The following PLD5 variants were observed in gnomAD, a reference collection of about 807,000 sequenced individuals.
The protein encoded by PLD5 is inactive phospholipase D5.
PLD5 carries 36 observed loss-of-function variants against 61.1 expected under a neutral mutation model. That is an observed-to-expected ratio of 0.59 (90% CI 0.45 to 0.78). PLD5 has a LOEUF of 0.78. PLD5 is among the 30% of genes least tolerant of loss of function. The probability of loss-of-function intolerance (pLI) is 0.00; values close to 1 mark genes in which losing one functional copy is unlikely to be tolerated. For missense variants in PLD5, 515 were observed against 644.4 expected (o/e 0.80, Z 2.17); for synonymous variants, 243 against 242.8 (o/e 1.00, Z -0.01).
chr1:242,125,840 T>G (rs994100072), intron 5 of PLD5, among the ~76,000 whole-genome samples: 7 of 152,162 alleles, frequency 4.6e-5, no homozygotes, highest in African/African-American at 1.4e-4. Flanking sequence ...GGCCTGGAGA[T>G]CTTTCCATGT....
At chr1:242,397,905 A>T (rs1490423752) in intron 1 of PLD5, among the ~76,000 whole-genome samples, 2 of 151,910 alleles carry the variant, frequency 1.3e-5, no homozygotes, top group African/African-American at 2.4e-5. Context: ...AGTGCTTCTG[A>T]TACTCACTTC....
chr1:242,163,593 C>A (rs185758936), intron 5 of PLD5, among the ~76,000 whole-genome samples: 19 of 152,222 alleles, frequency 1.2e-4, no homozygotes, highest in African/African-American at 4.6e-4. Flanking sequence ...AAAATAAATT[C>A]TTTCTAATAA....
intron 1 of PLD5, among the ~76,000 whole-genome samples, chr1:242,516,387 G>A (rs966870813): frequency 6.6e-6 from 1 of 151,480 alleles, no homozygotes; most frequent in African/African-American, 2.4e-5. Context: ...AATAAATTGG[G>A]ATTATTAAAA....
At chr1:242,102,894 A>G (rs1430990778) in intron 8 of PLD5, among the ~76,000 whole-genome samples, 1 of 152,224 alleles carries the variant, frequency 6.6e-6, no homozygotes, top group Non-Finnish European at 1.5e-5. Context: ...CAAAAAGATG[A>G]AGCTGATTAA....
chr1:242,123,904 G>C, intron 6 of PLD5, among the ~76,000 whole-genome samples: 1 of 152,158 alleles, frequency 6.6e-6, no homozygotes, highest in East Asian at 1.9e-4. Context: ...TCTTAGCAGA[G>C]TCAGAGGCCC....
Position 242,478,787 on chromosome 1 carries a change from T to C in PLD5, c.189+45301A>G, listed in dbSNP as rs553415466. ...AAATCCTATAATACAGTGAGAGAAT[T>C]ACTATTCCAAAAGTAAGTAAAAAGT... On this transcript the variant is annotated intron_variant, in intron 1 of 9. Coordinates refer to ENST00000536534, the MANE Select transcript of PLD5 (RefSeq NM_001372062.1). Among the ~76,000 whole-genome samples, 45 of 152,322 alleles carry C rather than the reference T, an allele frequency of 3.0e-4. No individual in the cohort carries two copies. In the South Asian group the frequency reaches 8.9e-3, roughly 30 times the overall value.
intron 4 of PLD5, among the ~76,000 whole-genome samples, chr1:242,224,697 C>T (rs537178401): frequency 7.9e-5 from 12 of 152,264 alleles, no homozygotes; most frequent in South Asian, 4.2e-4. Flanking sequence ...CTGTGCTAGA[C>T]TATTCAGAGC....
At chr1:242,374,971 C>T (rs562678855) in intron 1 of PLD5, among the ~76,000 whole-genome samples, 1 of 152,228 alleles carries the variant, frequency 6.6e-6, no homozygotes, top group African/African-American at 2.4e-5. Context: ...GGCCTTGGCC[C>T]CTACAGTTTT....
At chr1:242,304,771 T>C (rs1676250522) in intron 2 of PLD5, among the ~76,000 whole-genome samples, 2 of 152,216 alleles carry the variant, frequency 1.3e-5, no homozygotes, top group Non-Finnish European at 2.9e-5. Flanking sequence ...GATTTCTTCA[T>C]TGAATGTTTC....
In PLD5 at chr1:242,100,824, G is replaced by A. The variant is rs145183713; in HGVS notation, c.1240-42C>T. ...AAGGGGGCAGGTAAATAAGAGGAAC[G>A]TTTCTGGTCTTGTCCAAGAGCACAA... On this transcript the variant is annotated intron_variant, in intron 8 of 9. Transcript: ENST00000536534. 276 of 1,347,716 alleles carry A rather than the reference G, an allele frequency of 2.0e-4. 2 individuals are homozygous for A. The South Asian group carries it at 2.7e-3, about 13-fold the overall frequency. 83.5% of individuals were successfully genotyped at this position (1,347,716 alleles called of 1,614,324 possible).
chr1:242,400,855 G>C (rs1319338926), intron 1 of PLD5, among the ~76,000 whole-genome samples: 1 of 152,166 alleles, frequency 6.6e-6, no homozygotes, highest in Non-Finnish European at 1.5e-5. Context: ...TATGGAACAG[G>C]AAGAATTCCT....
chr1:242,509,879 AG>A lies in PLD5; in HGVS notation c.189+14208del, dbSNP rs778102033. Among the ~76,000 whole-genome samples the A allele has an allele frequency of 1.9e-4, 29 of 152,270 alleles. No individual in the cohort carries two copies. In the East Asian group the frequency reaches 5.4e-3, roughly 28 times the overall value. On this transcript the variant is annotated intron_variant, in intron 1 of 9. Coordinates refer to ENST00000536534, the MANE Select transcript of PLD5 (RefSeq NM_001372062.1). Reference sequence around the variant, plus strand: ...AGCAGGCTGATCAGTGTGGAGAAAAAGCATCTTGAAATGAGAGCTAGGGACT... The same window carrying A: ...AGCAGGCTGATCAGTGTGGAGAAAAACATCTTGAAATGAGAGCTAGGGACT...
chr1:242,271,085 A>G (rs1226694817), intron 3 of PLD5, among the ~76,000 whole-genome samples: 1 of 152,000 alleles, frequency 6.6e-6, no homozygotes, highest in Non-Finnish European at 1.5e-5. Flanking sequence ...CTAACTTAGA[A>G]GAGTAATTAA....
chr1:242,348,256 CAAA>C lies in PLD5; in HGVS notation c.190-17_190-15del. The stretch of plus-strand genomic sequence containing the variant: ...CTTCTGCTGGGACTGAAAGAGGAAA[CAAA>C]GACAAAGAAAAGTAAGTGGTGCTGC... On this transcript the variant is annotated splice_polypyrimidine_tract_variant and intron_variant, in intron 1 of 9. Coordinates refer to ENST00000536534, the MANE Select transcript of PLD5 (RefSeq NM_001372062.1). 4.2e-5 allele frequency: 3 copies of C among 71,182 alleles called. No homozygotes were observed. The highest frequency in any genetic ancestry group is 1.6e-4 in the South Asian group (1 of 6,130). 4.4% of individuals were successfully genotyped at this position (71,182 alleles called of 1,614,324 possible).
intron 1 of PLD5, among the ~76,000 whole-genome samples, chr1:242,494,889 T>C (rs974037219): frequency 2.7e-5 from 4 of 150,708 alleles, no homozygotes; most frequent in Non-Finnish European, 5.9e-5. Context: ...TGTTTTTTTT[T>C]TTTTGCTGTT....
At chr1:242,260,346 CAAA>C (rs58683643) in intron 4 of PLD5, among the ~76,000 whole-genome samples, 11 of 120,344 alleles carry the variant, frequency 9.1e-5, no homozygotes, top group Admixed American at 1.7e-4. Context: ...GACTCCGTCT[CAAA>C]AAAAAAAAAA....
At chr1:242,160,795 G>A (rs953761974) in intron 5 of PLD5, among the ~76,000 whole-genome samples, 2 of 152,092 alleles carry the variant, frequency 1.3e-5, no homozygotes, top group African/African-American at 2.4e-5. Context: ...TGAGGCAGGA[G>A]AATTGCTTGA....
At position 242,399,620 on chromosome 1, in the gene PLD5, G is replaced by T. The variant is rs571988562; in HGVS notation, c.190-51378C>A. Among the ~76,000 whole-genome samples the T allele has an allele frequency of 1.7e-3, 251 of 145,444 alleles. 1 individual carries two copies. Among genetic ancestry groups the T allele is most frequent in the Non-Finnish European group, 3.3e-3 (216 of 66,300 alleles). Reference sequence around the variant, plus strand: ...TAACAGTTGCCTTTGGGCCTTGGGAGGGAGAGAAACAGAGGCTAAGCATTA... The same window carrying T: ...TAACAGTTGCCTTTGGGCCTTGGGATGGAGAGAAACAGAGGCTAAGCATTA... On this transcript the variant is annotated intron_variant, in intron 1 of 9. Coordinates refer to ENST00000536534, the MANE Select transcript of PLD5 (RefSeq NM_001372062.1).
At chr1:242,500,994 T>TC (rs1246255176) in intron 1 of PLD5, among the ~76,000 whole-genome samples, 1 of 152,174 alleles carries the variant, frequency 6.6e-6, no homozygotes, top group African/African-American at 2.4e-5. Context: ...TCATTTTTTT[T>TC]AACTTAAGTA....
Sources: allele counts gnomAD v4.1 joint callset (sites outside exome capture counted in the v4.1 genomes callset), GRCh38; gene constraint gnomAD v4.1.1; transcripts MANE v1.5; gene names NCBI Gene and HGNC (gene_info 2026-07-23, HGNC 2026-07-21).